The following POTEG variants were observed in gnomAD, a reference collection of about 807,000 sequenced individuals.
POTEG encodes the protein ANKRD26-like family C member 2.
In POTEG, 2 loss-of-function variants were observed where a neutral mutation model predicts 49.6. The observed-to-expected ratio is 0.04, with a 90% CI of 0.02 to 0.13. POTEG has a LOEUF of 0.13. Ranked by LOEUF, POTEG falls within the 10% of genes least tolerant of loss-of-function variation. The pLI, the probability that POTEG is intolerant of heterozygous loss-of-function variation, is 1.00. For missense variants in POTEG, 26 were observed against 545.2 expected (o/e 0.05, Z 9.48); for synonymous variants, 7 against 186.6 (o/e 0.04, Z 7.84).
chr14:19,418,442 TTTATCTA>T (rs1231299189), intron 6 of POTEG, among the ~76,000 whole-genome samples: 1 of 23,918 alleles, frequency 4.2e-5, no homozygotes, highest in Non-Finnish European at 1.3e-4. Flanking sequence ...GATATTCATC[TTTATCTA>T]TTAAGTTCAT....
chr14:19,415,882 G>A (rs1221697774), intron 7 of POTEG, among the ~76,000 whole-genome samples: 87 of 112,272 alleles, frequency 7.7e-4, no homozygotes, highest in African/African-American at 2.9e-3. Flanking sequence ...GTCTTGCTCT[G>A]TCACCCAGGC....
At chr14:19,430,743 C>T (rs1383822880) in intron 1 of POTEG, among the ~76,000 whole-genome samples, 2 of 122,828 alleles carry the variant, frequency 1.6e-5, no homozygotes, top group Admixed American at 8.9e-5. Flanking sequence ...AAAGAAAACT[C>T]CTGTAGAGTA....
intron 6 of POTEG, among the ~76,000 whole-genome samples, chr14:19,416,570 AT>A (rs1883583859): frequency 1.3e-5 from 1 of 74,246 alleles, no homozygotes; most frequent in South Asian, 6.4e-4. Context: ...ACATACACAC[AT>A]GTTAAAAATT....
chr14:19,414,263 A>G (rs1883459015), intron 8 of POTEG, among the ~76,000 whole-genome samples: 2 of 142,838 alleles, frequency 1.4e-5, no homozygotes, highest in Non-Finnish European at 3.1e-5. Flanking sequence ...CACATTTTCT[A>G]TTGATAATCA....
intron 6 of POTEG, among the ~76,000 whole-genome samples, chr14:19,419,602 CT>C (rs1883672340): frequency 1.8e-5 from 1 of 54,866 alleles, no homozygotes; most frequent in East Asian, 4.2e-4. Flanking sequence ...CCCAATCCCC[CT>C]CCTCAGCCTC....
Position 19,415,047 on chromosome 14 carries a change from G to A in POTEG, c.1198-441C>T, listed in dbSNP as rs1412444451. Among the ~76,000 whole-genome samples the A allele has an allele frequency of 9.9e-4, 144 of 145,414 alleles. 1 individual carries two copies. Among genetic ancestry groups the A allele is most frequent in the African/African-American group, 3.5e-3 (143 of 40,406 alleles). ...GTGAGCCCCCACAGTGCACTGAAGT[G>A]CTTTTTTAAAAGATTCCTAACTGGA... is the stretch of plus-strand genomic sequence containing the variant. On this transcript the variant is annotated intron_variant, in intron 7 of 10. Transcript: ENST00000547848.
chr14:19,432,669 G>A (rs1361561873), intron 1 of POTEG, among the ~76,000 whole-genome samples: 38 of 72,650 alleles, frequency 5.2e-4, no homozygotes, highest in East Asian at 1.0e-3. Context: ...ATTATCAAGC[G>A]CTAAATTCCT....
chr14:19,432,383 T>A (rs1377126768), intron 1 of POTEG, among the ~76,000 whole-genome samples: 1 of 53,886 alleles, frequency 1.9e-5, no homozygotes, highest in Non-Finnish European at 4.7e-5. Context: ...TATATATATA[T>A]ATATATATAT....
At chr14:19,429,414 AG>A in intron 1 of POTEG, among the ~76,000 whole-genome samples, 1 of 58,842 alleles carries the variant, frequency 1.7e-5, no homozygotes, top group Admixed American at 2.0e-4. Flanking sequence ...AATAATTGTT[AG>A]ATATTATGAT....
Position 19,406,319 on chromosome 14 carries a change from CAG to C in POTEG, c.1410-1586_1410-1585del, listed in dbSNP as rs1883293285. Among the ~76,000 whole-genome samples the C allele has an allele frequency of 2.6e-4, 4 of 15,138 alleles. No homozygotes were observed. The South Asian group carries it at 9.8e-3, about 37-fold the overall frequency. 9.9% of individuals were successfully genotyped at this position (15,138 alleles called of 152,430 possible). A position where few individuals can be genotyped will look rare whatever the true frequency, so the allele number is the denominator to read the frequency against. ...GATCAACGGAACAGAACAGACAACT[CAG>C]AAATAAAGCCGCTACAACCAAGTGA... On this transcript the variant is annotated intron_variant, in intron 9 of 10. Transcript: ENST00000547848.
At chr14:19,419,601 C>CCT (rs1883672237) in intron 6 of POTEG, among the ~76,000 whole-genome samples, 1 of 54,406 alleles carries the variant, frequency 1.8e-5, no homozygotes, top group Non-Finnish European at 3.4e-5. Context: ...TCCCAATCCC[C>CCT]CTCCTCAGCC....
chr14:19,415,829 A>ATTTTTTTTTTTTTTTTTTTTTT (rs58833974), intron 7 of POTEG, among the ~76,000 whole-genome samples: 3 of 96,700 alleles, frequency 3.1e-5, no homozygotes, highest in Admixed American at 2.1e-4. Flanking sequence ...ATCTATTAAA[A>ATTTTTTTTTTTTTTTTTTTTTT]TTTTTTTTTT....
chr14:19,414,921 TTG>T (rs1883491505), intron 7 of POTEG, among the ~76,000 whole-genome samples: 2 of 129,724 alleles, frequency 1.5e-5, no homozygotes, highest in African/African-American at 5.2e-5. Context: ...TAAACTTAAC[TTG>T]TTATGTGTTA....
At chr14:19,432,403 T>TACATACAC (rs1555310382) in intron 1 of POTEG, among the ~76,000 whole-genome samples, 1 of 44,730 alleles carries the variant, frequency 2.2e-5, no homozygotes, top group Non-Finnish European at 4.4e-5. Context: ...TATATATATA[T>TACATACAC]ACACACACAT....
chr14:19,432,399 TATATACAC>T (rs1201068728), intron 1 of POTEG, among the ~76,000 whole-genome samples: 59 of 88,262 alleles, frequency 6.7e-4, no homozygotes, highest in African/African-American at 1.2e-3. Context: ...TATATATATA[TATATACAC>T]ACACATGTAT....
chr14:19,432,718 T>C (rs1163953268), intron 1 of POTEG, among the ~76,000 whole-genome samples: 2 of 79,544 alleles, frequency 2.5e-5, no homozygotes, highest in African/African-American at 5.3e-5. Context: ...TGTTCTGTTT[T>C]ATTCATTGAT....
intron 6 of POTEG, among the ~76,000 whole-genome samples, chr14:19,420,647 G>C (rs1883722242): frequency 1.4e-5 from 2 of 144,944 alleles, no homozygotes; most frequent in Middle Eastern, 7.1e-3. Flanking sequence ...TAAATAGATG[G>C]CTAAATTAAA....
At chr14:19,426,449 A>G (rs2139173306) in intron 3 of POTEG, among the ~76,000 whole-genome samples, 1 of 152,128 alleles carries the variant, frequency 6.6e-6, no homozygotes, top group Admixed American at 6.5e-5. Context: ...ACAGTTTAGA[A>G]TTTGCTTAAT....
intron 8 of POTEG, among the ~76,000 whole-genome samples, 186 bp downstream of exon 8, chr14:19,414,376 A>G (rs1883463935): frequency 6.8e-6 from 1 of 146,372 alleles, no homozygotes; most frequent in Non-Finnish European, 1.5e-5. Flanking sequence ...TAATGAAAGA[A>G]TATCTCTAGG....
Sources: allele counts gnomAD v4.1 joint callset (sites outside exome capture counted in the v4.1 genomes callset), GRCh38; gene constraint gnomAD v4.1.1; transcripts MANE v1.5; gene names NCBI Gene and HGNC (gene_info 2026-07-23, HGNC 2026-07-21).